Variants in GTSE1 observed in about 807,000 individuals in gnomAD.
GTSE1 encodes the protein G2 and S phase-expressed protein 1.
In GTSE1, 52 loss-of-function variants were observed where a neutral mutation model predicts 60.5. That is an observed-to-expected ratio of 0.86 (90% CI 0.69 to 1.08). The LOEUF is 1.08. GTSE1 is among the 50% of genes least tolerant of loss of function. The pLI is 0.00. For missense variants in GTSE1, 937 were observed against 961.8 expected (o/e 0.97, Z 0.34); for synonymous variants, 368 against 386.5 (o/e 0.95, Z 0.56).
Position 46,313,753 on chromosome 22 carries a change from G to A in GTSE1, c.928-137G>A, listed in dbSNP as rs762574575. ...CAAACTCCTGACCTTGTGATCCTCC[G>A]GCCTCAGCCTCCCAAAGTGCTGGGA... On this transcript the variant is annotated intron_variant, in intron 5 of 11. Transcript: ENST00000454366. The surrounding 1 kb of genome is among the most constrained non-coding windows in gnomAD (Gnocchi z 4.4). The A allele has an allele frequency of 3.3e-5, 27 of 810,418 alleles. No homozygotes were observed. Among genetic ancestry groups the A allele is most frequent in the Non-Finnish European group, 3.8e-5 (19 of 504,982 alleles). 50.2% of individuals were successfully genotyped at this position (810,418 alleles called of 1,614,324 possible). A position where few individuals can be genotyped will look rare whatever the true frequency, so the allele number is the denominator to read the frequency against.
chr22:46,330,086 G>C lies in GTSE1; in HGVS notation c.2176G>C (p.Glu726Gln), dbSNP rs151318716. 9.3e-6 allele frequency: 15 copies of C among 1,612,170 alleles called. No homozygotes were observed. In the African/African-American group the frequency reaches 1.9e-4, roughly 20 times the overall value. The change falls in exon 12 of 12, where the codon GAG becomes CAG. Residue 726 changes from glutamate to glutamine, a missense_variant. Physicochemically the swap from Glu to Gln is conservative, Grantham distance 29 (BLOSUM62 2). Transcript: ENST00000454366. The surrounding 1 kb of genome is among the most constrained non-coding windows in gnomAD (Gnocchi z 6.0). ...CTCCCCTCTGATCCAGCTGAGCCCT[G>C]AGGCTGACAAGGAGAACGTGGATTC... Reference protein sequence around the residue: ...LSSPLIQLSPEADKENVDSPL... With the variant: ...LSSPLIQLSPQADKENVDSPL...
intron 7 of GTSE1, among the ~76,000 whole-genome samples, chr22:46,322,437 C>T (rs545617623): frequency 7.1e-4 from 108 of 152,294 alleles, no homozygotes; most frequent in African/African-American, 2.5e-3. Context: ...CCAAGGGGGT[C>T]CTGGTGCCTG....
chr22:46,329,552 A>G lies in GTSE1; in HGVS notation c.2121A>G (p.Ser707=), dbSNP rs112385158. The change falls in exon 11 of 12, where the codon TCA becomes TCG. Residue 707 remains serine, a synonymous_variant. Coordinates refer to ENST00000454366, the MANE Select transcript of GTSE1 (RefSeq NM_016426.7). The surrounding 1 kb of genome is among the most constrained non-coding windows in gnomAD (Gnocchi z 6.4). ...PDMNKNVAKP[S]PVVGQLIDLS... is the part of the protein sequence containing the mutation. The stretch of plus-strand genomic sequence containing the variant: ...TGAATAAAAATGTGGCCAAACCTTC[A>G]CCGGTGGTGGGACAGGTGAGAAGTG... The G allele has an allele frequency of 6.2e-7, 1 of 1,613,940 alleles. No individual in the cohort carries two copies.
intron 9 of GTSE1, among the ~76,000 whole-genome samples, chr22:46,327,812 T>G (rs187800411): frequency 5.9e-5 from 9 of 152,252 alleles, no homozygotes; most frequent in African/African-American, 2.2e-4. Flanking sequence ...ATCTATGTAG[T>G]TCTATGATAA....
At chr22:46,323,147 C>A in intron 7 of GTSE1, 43 bp from the exon 8 acceptor site, 1 of 1,314,546 alleles carries the variant, frequency 7.6e-7, no homozygotes, top group Non-Finnish European at 1.1e-6. Flanking sequence ...AGGTCTCCCC[C>A]TGATCACTTT....
intron 2 of GTSE1, among the ~76,000 whole-genome samples, chr22:46,300,859 A>G (rs1279933080): frequency 6.6e-6 from 1 of 152,174 alleles, no homozygotes; most frequent in Non-Finnish European, 1.5e-5. Context: ...AAAAAGTGAA[A>G]TGTCTGCCTC....
At chr22:46,303,702 G>A (rs963063311) in intron 2 of GTSE1, among the ~76,000 whole-genome samples, 1 of 152,196 alleles carries the variant, frequency 6.6e-6, no homozygotes, top group Admixed American at 6.5e-5. Context: ...CTATTCATGA[G>A]CATTTCTATG....
At position 46,316,195 on chromosome 22, in the gene GTSE1, G is replaced by A. The variant is rs766360396; in HGVS notation, c.1215G>A (p.Leu405=). The A allele has an allele frequency of 1.2e-6, 2 of 1,613,666 alleles. No homozygotes were observed. Among genetic ancestry groups the A allele is most frequent in the South Asian group, 1.1e-5 (1 of 91,058 alleles). ...CCAAGCGGGTCGATGTTTCTGAGCT[G>A]GCAGCGGAGCAGCTCACGGCACCCC... is the stretch of plus-strand genomic sequence containing the variant. ...WQAKRVDVSE[L]AAEQLTAPPS... The change falls in exon 7 of 12, where the codon CTG becomes CTA. Residue 405 remains leucine (L), a synonymous_variant. Transcript: ENST00000454366. The surrounding 1 kb of genome is among the most constrained non-coding windows in gnomAD (Gnocchi z 5.0).
chr22:46,312,368 A>C, intron 5 of GTSE1, 63 bp downstream of exon 5: 1 of 1,493,556 alleles, frequency 6.7e-7, no homozygotes, highest in Admixed American at 2.0e-5. Flanking sequence ...CTGTGTGTAC[A>C]AGTGCTTTGG....
At chr22:46,322,825 G>T (rs2077821105) in intron 7 of GTSE1, among the ~76,000 whole-genome samples, 3 of 152,220 alleles carry the variant, frequency 2.0e-5, no homozygotes, top group Admixed American at 2.0e-4. Flanking sequence ...GTGGGCAAGT[G>T]TCTAGCGCAT....
rs1247491078 is a variant in GTSE1 at position 46,319,115 on chromosome 22, A to C, written c.1432+2703A>C. Among the ~76,000 whole-genome samples, 1 of 152,224 alleles carries C rather than the reference A, an allele frequency of 6.6e-6. No homozygotes were observed. Among genetic ancestry groups the C allele is most frequent in the Non-Finnish European group, 1.5e-5 (1 of 68,038 alleles). Reference sequence around the variant, plus strand: ...AAGAGGAAAGTTGCTGTTGAACAAAAACTAGCAACCTCAGCCAGTCAGTGA... The same window carrying C: ...AAGAGGAAAGTTGCTGTTGAACAAACACTAGCAACCTCAGCCAGTCAGTGA... On this transcript the variant is annotated intron_variant, in intron 7 of 11. Transcript: ENST00000454366. The surrounding 1 kb of genome is among the most constrained non-coding windows in gnomAD (Gnocchi z 5.0).
At position 46,329,642 on chromosome 22, in the gene GTSE1, G is replaced by A. The variant is rs2077864935; in HGVS notation, c.2136+75G>A. 3.5e-6 allele frequency: 4 copies of A among 1,152,364 alleles called. No homozygotes were observed. The highest frequency in any genetic ancestry group is 2.5e-4 in the Middle Eastern group (1 of 3,972). 71.4% of individuals were successfully genotyped at this position (1,152,364 alleles called of 1,614,324 possible). A position where few individuals can be genotyped will look rare whatever the true frequency, so the allele number is the denominator to read the frequency against. On this transcript the variant is annotated intron_variant, in intron 11 of 11. Coordinates refer to ENST00000454366, the MANE Select transcript of GTSE1 (RefSeq NM_016426.7). This position sits in a 1 kb window ranked among gnomAD's most constrained non-coding sequence, Gnocchi z 6.4. ...TTCTGGGATTGTTCATCCTCCCAGG[G>A]CCATCGTGGGACCCTTGAGAGTGGC...
In GTSE1 at chr22:46,308,512, C is replaced by G. The variant is rs369858043; in HGVS notation, c.331C>G (p.His111Asp). The change falls in exon 4 of 12, where the codon CAC becomes GAC. Residue 111 changes from histidine (H) to aspartate (D), a missense_variant. Coordinates refer to ENST00000454366, the MANE Select transcript of GTSE1 (RefSeq NM_016426.7). The stretch of plus-strand genomic sequence containing the variant: ...CAAAGAAGCTCACTTACTGGCTTTA[C>G]ACATTGAGAGCAGCAGCCGGAACCA... ...VYKEAHLLAL[H>D]IESSSRNQAA... 1 of 1,614,086 alleles carries G rather than the reference C, an allele frequency of 6.2e-7. No homozygotes were observed. Among genetic ancestry groups the G allele is most frequent in the Non-Finnish European group, 8.5e-7 (1 of 1,180,034 alleles).
rs1232312638 is a variant in GTSE1 at position 46,297,364 on chromosome 22, C to G, written c.-21-16C>G. The G allele has an allele frequency of 6.8e-7, 1 of 1,461,814 alleles. No homozygotes were observed. The highest frequency in any genetic ancestry group is 1.4e-5 in the African/African-American group (1 of 72,090). 90.6% of individuals were successfully genotyped at this position (1,461,814 alleles called of 1,614,324 possible). A position where few individuals can be genotyped will look rare whatever the true frequency, so the allele number is the denominator to read the frequency against. ...CCTGACACGTACTCACTTTCTGGCC[C>G]CGTTCCACCCTGCAGTGACTTCTGA... On this transcript the variant is annotated splice_polypyrimidine_tract_variant and intron_variant, in intron 1 of 11. Transcript: ENST00000454366. This position sits in a 1 kb window ranked among gnomAD's most constrained non-coding sequence, Gnocchi z 4.9.
intron 6 of GTSE1, among the ~76,000 whole-genome samples, chr22:46,315,360 A>T (rs2077772883): frequency 6.6e-6 from 1 of 152,104 alleles, no homozygotes; most frequent in Admixed American, 6.5e-5. Context: ...CCTGGCCCAC[A>T]TTTTTGTGTT....
At chr22:46,323,081 T>C (rs1040050345) in intron 7 of GTSE1, 109 bp from the exon 8 acceptor site, 3 of 790,764 alleles carry the variant, frequency 3.8e-6, no homozygotes, top group Non-Finnish European at 6.9e-6. Context: ...TACACTCAAG[T>C]TGGGACAGTG....
At chr22:46,325,920 C>A (rs1260237823) in intron 8 of GTSE1, among the ~76,000 whole-genome samples, 1 of 152,246 alleles carries the variant, frequency 6.6e-6, no homozygotes, top group Non-Finnish European at 1.5e-5. Context: ...GGTGTGAGGA[C>A]CAAGTGCCCA....
rs1380201567 is a variant in GTSE1, at chr22:46,319,504, T to C, written c.1432+3092T>C. The stretch of plus-strand genomic sequence containing the variant: ...TGAGGTTCTGGCGGAACCTGGGTGC[T>C]GCCACTCATGTGACAGGAGGGCTGG... On this transcript the variant is annotated intron_variant, in intron 7 of 11. Transcript: ENST00000454366. This position sits in a 1 kb window ranked among gnomAD's most constrained non-coding sequence, Gnocchi z 5.0. Among the ~76,000 whole-genome samples, 2 of 152,104 alleles carry C rather than the reference T, an allele frequency of 1.3e-5. No individual in the cohort carries two copies.
intron 2 of GTSE1, among the ~76,000 whole-genome samples, chr22:46,307,262 G>A (rs943575598): frequency 2.6e-5 from 4 of 152,302 alleles, no homozygotes; most frequent in Middle Eastern, 3.4e-3. Context: ...TCCCTACTCC[G>A]TGCATTTGAG....
Sources: gnomAD v4.1 joint callset for allele counts (sites outside exome capture counted in the v4.1 genomes callset) on GRCh38, gnomAD v4.1.1 for gene constraint, Gnocchi (gnomAD v3.1) non-coding constraint, MANE v1.5 for transcripts, NCBI Gene and HGNC (gene_info 2026-07-23, HGNC 2026-07-21) for gene names.